Variants in SEZ6L2 observed in about 807,000 individuals in gnomAD.
SEZ6L2 encodes the protein seizure related 6 homolog like 2.
In SEZ6L2, 44 loss-of-function variants were observed where a neutral mutation model predicts 97.0. The observed-to-expected ratio is 0.45, with a 90% CI of 0.36 to 0.58. SEZ6L2 has a LOEUF of 0.58. SEZ6L2 is among the 20% of genes least tolerant of loss of function. The probability of loss-of-function intolerance (pLI) is 0.00; values close to 1 mark genes in which losing one functional copy is unlikely to be tolerated. For missense variants in SEZ6L2, 1,086 were observed against 1,233.3 expected, an observed-to-expected ratio of 0.88 and a Z score of 1.79; for synonymous variants, 543 against 546.1, an observed-to-expected ratio of 0.99 and a Z score of 0.08.
At position 29,899,355 on chromosome 16, in the gene SEZ6L2, G is replaced by A. The variant is rs1293617501; in HGVS notation, c.-336C>T. Reference sequence around the variant, plus strand: ...GTTACCCTCCTGCTCAGGCGCCTGGGTCCACTGGGCTGTCTGGACCCCAAG... The same window carrying A: ...GTTACCCTCCTGCTCAGGCGCCTGGATCCACTGGGCTGTCTGGACCCCAAG... On this transcript the variant is annotated 5_prime_UTR_variant, in exon 1 of 18. Transcript: ENST00000617533. The A allele has an allele frequency of 3.0e-6, 1 of 332,780 alleles. No individual in the cohort carries two copies. Among genetic ancestry groups the A allele is most frequent in the Non-Finnish European group, 5.5e-6 (1 of 180,270 alleles). 20.6% of individuals were successfully genotyped at this position (332,780 alleles called of 1,614,324 possible). A position where few individuals can be genotyped will look rare whatever the true frequency, so the allele number is the denominator to read the frequency against.
chr16:29,875,752 T>G (rs2067890967), intron 12 of SEZ6L2, among the ~76,000 whole-genome samples: 1 of 138,882 alleles, frequency 7.2e-6, no homozygotes, highest in South Asian at 2.3e-4. Context: ...AACCTCCACC[T>G]CCCAGGTTCA....
chr16:29,877,242 G>A (rs1305438900), intron 11 of SEZ6L2, 29 bp downstream of exon 11: 3 of 1,517,336 alleles, frequency 2.0e-6, no homozygotes, highest in Middle Eastern at 1.8e-4. Context: ...CCCGACCCCT[G>A]CCCATCCCGG....
rs752667726 is a variant in SEZ6L2, at chr16:29,899,213, G to T, written c.-194C>A. 2.1e-5 allele frequency: 12 copies of T among 576,382 alleles called. No homozygotes were observed. Among genetic ancestry groups the T allele is most frequent in the Non-Finnish European group, 3.3e-5 (11 of 330,244 alleles). 35.7% of individuals were successfully genotyped at this position (576,382 alleles called of 1,614,324 possible). ...AGAATTGGGCTAGGGGTCGCCTGGA[G>T]CCCACCCCCCTTTGCTCAGTCTCCT... On this transcript the variant is annotated 5_prime_UTR_variant, in exon 1 of 18. Coordinates refer to ENST00000617533, the MANE Select transcript of SEZ6L2 (RefSeq NM_001243332.2).
intron 3 of SEZ6L2, 55 bp downstream of exon 3, chr16:29,896,767 C>T (rs1055573676): frequency 6.6e-7 from 1 of 1,517,374 alleles, no homozygotes; most frequent in African/African-American, 1.4e-5. Flanking sequence ...TCCCATCCAT[C>T]CCCAGCGTGT....
At chr16:29,890,964 C>T (rs992195990) in intron 5 of SEZ6L2, among the ~76,000 whole-genome samples, 41 of 150,440 alleles carry the variant, frequency 2.7e-4, no homozygotes, top group African/African-American at 9.3e-4. Flanking sequence ...TTTTTTGAGA[C>T]GGAGTATTGC....
chr16:29,874,791 G>C (rs750121187), intron 12 of SEZ6L2, among the ~76,000 whole-genome samples: 43 of 151,664 alleles, frequency 2.8e-4, no homozygotes, highest in Admixed American at 6.6e-4. Context: ...GGCTGGTCTC[G>C]AACTCCTGAC....
chr16:29,895,612 A>C (rs2068368415), intron 4 of SEZ6L2, 109 bp downstream of exon 4: 2 of 1,445,692 alleles, frequency 1.4e-6, no homozygotes, highest in African/African-American at 1.4e-5. Flanking sequence ...TTTTGAGGTC[A>C]CCTGAGTCAT....
In SEZ6L2 at chr16:29,878,447, G is replaced by T. The variant is rs765889537; in HGVS notation, c.1574-22C>A. ...ATGGCTAGGGAAAAAGGGGTGTCAG[G>T]TTCAGGACCCAGGTGGGCATGCTGT... is the stretch of plus-strand genomic sequence containing the variant. On this transcript the variant is annotated intron_variant, in intron 9 of 17. Transcript: ENST00000617533. 8.9e-6 allele frequency: 14 copies of T among 1,575,922 alleles called. No individual in the cohort carries two copies. In the Admixed American group the frequency reaches 1.9e-4, roughly 22 times the overall value.
In SEZ6L2 at chr16:29,897,904, G is replaced by A. The variant is rs753644775; in HGVS notation, c.160C>T (p.Leu54=). The A allele has an allele frequency of 1.2e-6, 2 of 1,613,674 alleles. No homozygotes were observed. The highest frequency in any genetic ancestry group is 3.3e-5 in the Admixed American group (2 of 59,930). Residue 54 remains leucine, a synonymous_variant, in exon 2 of 18, where the codon CTG becomes TTG. Coordinates refer to ENST00000617533, the MANE Select transcript of SEZ6L2 (RefSeq NM_001243332.2). ...PTVASEALAE[L]LHGALLRRGP... ...CTCCTCAGCAGGGCCCCATGAAGCA[G>A]TTCAGCCAGGGCCTCAGAGGCCACC...
intron 4 of SEZ6L2, 84 bp downstream of exon 4, chr16:29,895,637 G>C: frequency 6.7e-7 from 1 of 1,501,762 alleles, no homozygotes; most frequent in Non-Finnish European, 9.0e-7. Flanking sequence ...CAGGTTCTTT[G>C]GCTCCCAGGC....
intron 10 of SEZ6L2, among the ~76,000 whole-genome samples, chr16:29,877,944 TGG>T (rs1269160700): frequency 1.3e-5 from 2 of 152,220 alleles, no homozygotes; most frequent in Admixed American, 6.5e-5. Context: ...CCCAACTTGC[TGG>T]TGTTAACGCA....
intron 8 of SEZ6L2, among the ~76,000 whole-genome samples, chr16:29,884,254 G>A (rs758607470): frequency 6.6e-6 from 1 of 152,108 alleles, no homozygotes; most frequent in Non-Finnish European, 1.5e-5. Context: ...TTTTTGCTGA[G>A]CTCTCAGGAA....
chr16:29,895,237 G>A, intron 5 of SEZ6L2, 22 bp downstream of exon 5: 2 of 1,504,694 alleles, frequency 1.3e-6, no homozygotes, highest in Non-Finnish European at 9.2e-7. Flanking sequence ...TGCCCTTCCA[G>A]CAGCACCCTC....
intron 8 of SEZ6L2, among the ~76,000 whole-genome samples, chr16:29,882,537 A>G (rs1366120167): frequency 6.6e-6 from 1 of 150,506 alleles, no homozygotes; most frequent in Non-Finnish European, 1.5e-5. Context: ...AGATTGCGCC[A>G]TTGCACTCCA....
At chr16:29,878,763 C>CAT (rs2067966772) in intron 9 of SEZ6L2, among the ~76,000 whole-genome samples, 1 of 127,946 alleles carries the variant, frequency 7.8e-6, no homozygotes, top group Non-Finnish European at 1.7e-5. Flanking sequence ...TTTCTTTTTT[C>CAT]TTTTTTTTTT....
intron 6 of SEZ6L2, 120 bp downstream of exon 6, chr16:29,888,420 G>A: frequency 9.5e-7 from 1 of 1,056,664 alleles, no homozygotes; most frequent in Non-Finnish European, 1.4e-6. Flanking sequence ...GACTCCTCAG[G>A]GTAAACACCC....
At chr16:29,884,227 G>T (rs555601189) in intron 8 of SEZ6L2, among the ~76,000 whole-genome samples, 7 of 152,272 alleles carry the variant, frequency 4.6e-5, no homozygotes, top group African/African-American at 1.7e-4. Context: ...TCAGGTCAAT[G>T]AACGCCTCTC....
chr16:29,888,454 G>T, intron 6 of SEZ6L2, 86 bp downstream of exon 6: 1 of 1,431,640 alleles, frequency 7.0e-7, no homozygotes, highest in Non-Finnish European at 9.6e-7. Context: ...TTTCCCCAAA[G>T]GTGGACACCT....
rs758257356 is a variant in SEZ6L2 at position 29,885,674 on chromosome 16, C to T, written c.1284G>A (p.Arg428=). The T allele has an allele frequency of 1.9e-6, 3 of 1,613,980 alleles. No homozygotes were observed. Among genetic ancestry groups the T allele is most frequent in the Non-Finnish European group, 2.5e-6 (3 of 1,179,984 alleles). Residue 428 remains arginine, a synonymous_variant, in exon 8 of 18, where the codon CGG becomes CGA. Coordinates refer to ENST00000617533, the MANE Select transcript of SEZ6L2 (RefSeq NM_001243332.2). ...GGGACTGGGCGTCACTGATGAGACCCCGCTCGGGGACATCGTCCATGTCCG... is the reference window on the plus strand; with the variant it reads ...GGGACTGGGCGTCACTGATGAGACCTCGCTCGGGGACATCGTCCATGTCCG... ...YDSDMDDVPE[R]GLISDAQSLY...
Sources: gnomAD v4.1 joint callset for allele counts (sites outside exome capture counted in the v4.1 genomes callset) on GRCh38, gnomAD v4.1.1 for gene constraint, MANE v1.5 for transcripts, NCBI Gene and HGNC (gene_info 2026-07-23, HGNC 2026-07-21) for gene names.